Variants in TNS3 observed in about 807,000 individuals in gnomAD.
TNS3 encodes tensin-3.
A neutral mutation model predicts 140.9 loss-of-function variants in TNS3; 45 were observed. The observed-to-expected ratio is 0.32, with a 90% CI of 0.25 to 0.41. The LOEUF is 0.41. Ranked by LOEUF, TNS3 falls within the 10% of genes least tolerant of loss-of-function variation. The probability of loss-of-function intolerance (pLI) is 1.00; values close to 1 mark genes in which losing one functional copy is unlikely to be tolerated. For missense variants in TNS3, 1,716 were observed against 1,906.7 expected (o/e 0.90, Z 1.86); for synonymous variants, 815 against 788.4 (o/e 1.03, Z -0.56).
chr7:47,362,989 CAA>C (rs1440804051), intron 17 of TNS3, among the ~76,000 whole-genome samples: 4 of 151,214 alleles, frequency 2.6e-5, no homozygotes, highest in Non-Finnish European at 4.4e-5. Context: ...TCACCATCAC[CAA>C]CATCATCACA....
chr7:47,491,659 T>C (rs1178245931), intron 3 of TNS3, among the ~76,000 whole-genome samples: 1 of 152,176 alleles, frequency 6.6e-6, no homozygotes, highest in African/African-American at 2.4e-5. Context: ...AGGCATTTCC[T>C]GGACAATTTT....
At chr7:47,288,398 C>T (rs974294858) in intron 27 of TNS3, among the ~76,000 whole-genome samples, 1 of 152,202 alleles carries the variant, frequency 6.6e-6, no homozygotes, top group Admixed American at 6.5e-5. Context: ...ACTGCCGATG[C>T]ATAAGTTGTG....
At chr7:47,522,834 G>A (rs868603922) in intron 2 of TNS3, among the ~76,000 whole-genome samples, 13 of 151,168 alleles carry the variant, frequency 8.6e-5, no homozygotes, top group South Asian at 2.1e-4. Context: ...AGGCTGAGGC[G>A]GGAGAATGGC....
At position 47,409,672 on chromosome 7, in the gene TNS3, C is replaced by CTTTTTTTTTTT. The variant is rs1562703573; in HGVS notation, c.723+2054_723+2055insAAAAAAAAAAA. On this transcript the variant is annotated intron_variant, in intron 13 of 30. Transcript: ENST00000311160. ...TCTTGGCCTATTCTTTTTTTTTTAC[C>CTTTTTTTTTTT]TCTGAGACGGAGTCTCGCTCTGTCG... 4.3e-3 allele frequency among the ~76,000 whole-genome samples: 646 copies of CTTTTTTTTTTT among 149,138 alleles called. 2 individuals are homozygous for CTTTTTTTTTTT. Among genetic ancestry groups the CTTTTTTTTTTT allele is most frequent in the African/African-American group, 0.015 (599 of 38,838 alleles).
chr7:47,506,919 T>C lies in TNS3; in HGVS notation c.-127A>G. The C allele has an allele frequency of 7.8e-7, 1 of 1,289,620 alleles. No homozygotes were observed. Among genetic ancestry groups the C allele is most frequent in the South Asian group, 1.2e-5 (1 of 80,924 alleles). 79.9% of individuals were successfully genotyped at this position (1,289,620 alleles called of 1,614,324 possible). A position where few individuals can be genotyped will look rare whatever the true frequency, so the allele number is the denominator to read the frequency against. On this transcript the variant is annotated 5_prime_UTR_variant, in exon 3 of 31. It removes an upstream start codon present in the reference 5' UTR. Coordinates refer to ENST00000311160, the MANE Select transcript of TNS3 (RefSeq NM_022748.12). Reference sequence around the variant, plus strand: ...ACGGAATGCTTACCTTGGCTTCACATTTCTTGTGGCAGGAATACTTGCAGG... The same window carrying C: ...ACGGAATGCTTACCTTGGCTTCACACTTCTTGTGGCAGGAATACTTGCAGG...
chr7:47,422,967 T>C lies in TNS3; in HGVS notation c.473+1134A>G, dbSNP rs1294226842. Among the ~76,000 whole-genome samples the C allele has an allele frequency of 2.0e-5, 3 of 152,204 alleles. No homozygotes were observed. In the East Asian group the frequency reaches 5.8e-4, roughly 29 times the overall value. On this transcript the variant is annotated intron_variant, in intron 10 of 30. Transcript: ENST00000311160. ...CACAACTTGCATTGCATGTGGGCCC[T>C]GTTGCTGACCACAGTCCTACACCCT...
At chr7:47,572,845 C>T (rs1484233721) in intron 1 of TNS3, among the ~76,000 whole-genome samples, 4 of 150,542 alleles carry the variant, frequency 2.7e-5, no homozygotes, top group African/African-American at 4.9e-5. Context: ...GGCGACAGAA[C>T]GAGACTCCGT....
intron 20 of TNS3, among the ~76,000 whole-genome samples, chr7:47,317,891 C>T (rs1365084728): frequency 6.6e-6 from 1 of 152,156 alleles, no homozygotes; most frequent in Non-Finnish European, 1.5e-5. Context: ...AAATCTGAGG[C>T]CACAGCCACC....
intron 2 of TNS3, among the ~76,000 whole-genome samples, chr7:47,514,024 C>T (rs1159571410): frequency 6.6e-6 from 1 of 152,240 alleles, no homozygotes; most frequent in African/African-American, 2.4e-5. Context: ...GAATCCAGGC[C>T]ACTGTCTTAC....
rs749348057 is a variant in TNS3 at position 47,368,646 on chromosome 7, G to A, written c.2000C>T (p.Pro667Leu). Residue 667 changes from proline (P) to leucine (L), a missense_variant, in exon 17 of 31, where the codon CCC (proline) becomes CTC (leucine). Physicochemically the swap from Pro to Leu is moderately conservative, Grantham distance 98 (BLOSUM62 -3). Transcript: ENST00000311160. ...CACAACCTGGTCTCCTGGAAACCTG[G>A]GTTTGAACGCTTTGCTGGGAGAGGG... The part of the protein sequence containing the change: ...QQPSPSKAFK[P>L]RFPGDQVVNG... The A allele has an allele frequency of 6.2e-7, 1 of 1,601,766 alleles. No individual in the cohort carries two copies. Among genetic ancestry groups the A allele is most frequent in the Admixed American group, 1.7e-5 (1 of 59,222 alleles).
At chr7:47,476,679 A>G (rs1455000377) in intron 4 of TNS3, among the ~76,000 whole-genome samples, 1 of 152,166 alleles carries the variant, frequency 6.6e-6, no homozygotes, top group African/African-American at 2.4e-5. Flanking sequence ...TACACCCTCC[A>G]TAATTTCCCA....
intron 16 of TNS3, among the ~76,000 whole-genome samples, chr7:47,376,940 G>A (rs188198252): frequency 1.1e-4 from 17 of 152,246 alleles, no homozygotes; most frequent in Admixed American, 7.8e-4. Flanking sequence ...TTAGTGGATC[G>A]GGTGCTGTTC....
intron 16 of TNS3, among the ~76,000 whole-genome samples, chr7:47,373,463 GGCCTTGCATCC>G (rs1201630037): frequency 6.6e-6 from 1 of 152,160 alleles, no homozygotes; most frequent in Non-Finnish European, 1.5e-5. Context: ...TAGTGGACAG[GGCCTTGCATCC>G]GCTCCCTGGG....
chr7:47,578,254 G>A (rs190048254), intron 1 of TNS3, among the ~76,000 whole-genome samples: 138 of 152,194 alleles, frequency 9.1e-4, no homozygotes, highest in African/African-American at 3.2e-3. Context: ...AGATTGCAGT[G>A]AGCTGAGATG....
chr7:47,557,918 G>A (rs1440488111), intron 1 of TNS3, among the ~76,000 whole-genome samples: 1 of 152,224 alleles, frequency 6.6e-6, no homozygotes, highest in Non-Finnish European at 1.5e-5. Context: ...CTGGAAGGAT[G>A]GCCTCTTTTC....
intron 1 of TNS3, among the ~76,000 whole-genome samples, chr7:47,554,540 T>C (rs1465973251): frequency 6.6e-6 from 1 of 152,096 alleles, no homozygotes; most frequent in East Asian, 1.9e-4. Context: ...TTGGAAGAAG[T>C]TGATTTCAAC....
rs774936155 is a variant in TNS3, at chr7:47,303,494, G to T, written c.2913C>A (p.Leu971=). The T allele has an allele frequency of 1.9e-6, 3 of 1,610,208 alleles. No individual in the cohort carries two copies. The highest frequency in any genetic ancestry group is 2.5e-6 in the Non-Finnish European group (3 of 1,179,928). The change falls in exon 22 of 31, where the codon CTC becomes CTA. Residue 971 remains leucine (L), a synonymous_variant. Coordinates refer to ENST00000311160, the MANE Select transcript of TNS3 (RefSeq NM_022748.12). ...TCCTGGTACCGGAGAACTCAGCGCT[G>T]AGGGGACTTCCGGTGGGCCGGCCGC... is the stretch of plus-strand genomic sequence containing the variant. ...LGSGRPTGSP[L]SAEFSGTRKD... is the part of the protein sequence containing the mutation.
chr7:47,430,644 G>T (rs1794884274), intron 8 of TNS3, among the ~76,000 whole-genome samples: 1 of 151,872 alleles, frequency 6.6e-6, no homozygotes, highest in South Asian at 2.1e-4. Context: ...CACACAGAAA[G>T]TTCTCCAGCA....
Position 47,489,726 on chromosome 7 carries a change from T to C in TNS3, c.-114-8585A>G, listed in dbSNP as rs762018116. On this transcript the variant is annotated intron_variant, in intron 3 of 30. Transcript: ENST00000311160. Reference sequence around the variant, plus strand: ...AAATGTGAACCTATTGTTGGAACAATGTCCAGGGGATTCTCGAAGTGGCTG... The same window carrying C: ...AAATGTGAACCTATTGTTGGAACAACGTCCAGGGGATTCTCGAAGTGGCTG... Among the ~76,000 whole-genome samples, 7 of 152,258 alleles carry C rather than the reference T, an allele frequency of 4.6e-5. No individual in the cohort carries two copies. In the East Asian group the frequency reaches 5.8e-4, roughly 13 times the overall value.
Sources: gnomAD v4.1 joint callset for allele counts (sites outside exome capture counted in the v4.1 genomes callset) on GRCh38, gnomAD v4.1.1 for gene constraint, MANE v1.5 for transcripts, NCBI Gene and HGNC (gene_info 2026-07-23, HGNC 2026-07-21) for gene names.